The following SMOC2 variants were observed in gnomAD, a reference collection of about 807,000 sequenced individuals.
SMOC2 encodes SPARC related modular calcium binding 2, also known as SPARC-related modular calcium-binding protein 2.
A neutral mutation model predicts 61.4 loss-of-function variants in SMOC2; 39 were observed. The observed-to-expected ratio is 0.64, with a 90% confidence interval of 0.49 to 0.83. SMOC2 has a LOEUF of 0.83. Ranked by LOEUF, SMOC2 falls within the 40% of genes least tolerant of loss-of-function variation. The pLI is 0.00. For missense variants in SMOC2, 556 were observed against 592.9 expected (o/e 0.94, Z 0.65); for synonymous variants, 247 against 239.9 (o/e 1.03, Z -0.27).
Position 168,551,220 on chromosome 6 carries a change from C to T in SMOC2, c.637+2017C>T, listed in dbSNP as rs143418159. Among the ~76,000 whole-genome samples, 262 of 152,246 alleles carry T rather than the reference C, an allele frequency of 1.7e-3. 2 individuals carry two copies. Among genetic ancestry groups the T allele is most frequent in the African/African-American group, 5.7e-3 (238 of 41,540 alleles). ...ACCTTCTGCCATGATGGTAAGTTTC[C>T]TGAGGCCTCCCCAGCAATGCTGAAC... On this transcript the variant is annotated intron_variant, in intron 7 of 12. Transcript: ENST00000356284.
At chr6:168,511,289 A>G (rs761426198) in intron 2 of SMOC2, among the ~76,000 whole-genome samples, 1 of 152,180 alleles carries the variant, frequency 6.6e-6, no homozygotes, top group Non-Finnish European at 1.5e-5. Flanking sequence ...TAATTGACTC[A>G]TAGTTCTGCA....
At chr6:168,564,396 T>G (rs1315260255) in intron 7 of SMOC2, among the ~76,000 whole-genome samples, 1 of 152,214 alleles carries the variant, frequency 6.6e-6, no homozygotes, top group African/African-American at 2.4e-5. Context: ...TCATGTATAC[T>G]GCATATGAAA....
chr6:168,565,165 T>C (rs1364363503), intron 7 of SMOC2, among the ~76,000 whole-genome samples: 1 of 152,236 alleles, frequency 6.6e-6, no homozygotes, highest in African/African-American at 2.4e-5. Flanking sequence ...TAGTGAATCT[T>C]CAGTTAAGGA....
At chr6:168,525,986 G>A (rs1458271257) in intron 2 of SMOC2, among the ~76,000 whole-genome samples, 1 of 152,176 alleles carries the variant, frequency 6.6e-6, no homozygotes, top group Middle Eastern at 3.2e-3. Context: ...GCCTGCCTCC[G>A]TCCCACCAGG....
At chr6:168,652,893 G>A in intron 10 of SMOC2, 61 bp from the exon 11 acceptor site, 1 of 1,537,980 alleles carries the variant, frequency 6.5e-7, no homozygotes, top group South Asian at 1.2e-5. Flanking sequence ...GGGAAGGACA[G>A]TGGCCAGGAA....
chr6:168,450,398 C>T (rs1342603235), intron 1 of SMOC2, among the ~76,000 whole-genome samples: 1 of 152,170 alleles, frequency 6.6e-6, no homozygotes, highest in African/African-American at 2.4e-5. Context: ...ACATTTATCT[C>T]TTAATGAATC....
In SMOC2 at chr6:168,544,510, T is replaced by C. The variant is rs1783947499; in HGVS notation, c.511+838T>C. Reference sequence around the variant, plus strand: ...CAAAATGGTGAAACGCCATCTCTACTAAAAAGACAAAAATTAACCAGGCAT... The same window carrying C: ...CAAAATGGTGAAACGCCATCTCTACCAAAAAGACAAAAATTAACCAGGCAT... On this transcript the variant is annotated intron_variant, in intron 5 of 12. Transcript: ENST00000356284. The surrounding 1 kb of genome is among the most constrained non-coding windows in gnomAD (Gnocchi z 4.1). Among the ~76,000 whole-genome samples the C allele has an allele frequency of 6.6e-6, 1 of 151,894 alleles. No individual in the cohort carries two copies. Among genetic ancestry groups the C allele is most frequent in the East Asian group, 1.9e-4 (1 of 5,158 alleles).
chr6:168,519,173 G>A (rs1192558862), intron 2 of SMOC2, among the ~76,000 whole-genome samples: 1 of 151,578 alleles, frequency 6.6e-6, no homozygotes, highest in Admixed American at 6.6e-5. Context: ...GCGTGCATGT[G>A]TGAGTATGCG....
chr6:168,518,451 G>A (rs1277792572), intron 2 of SMOC2, among the ~76,000 whole-genome samples: 1 of 147,028 alleles, frequency 6.8e-6, no homozygotes, highest in Admixed American at 6.8e-5. Flanking sequence ...GTGAATGTGT[G>A]AATGTGTGTA....
chr6:168,504,570 G>A (rs1191110265), intron 1 of SMOC2, among the ~76,000 whole-genome samples: 3 of 151,980 alleles, frequency 2.0e-5, no homozygotes, highest in African/African-American at 7.3e-5. Flanking sequence ...GCAATGAGGA[G>A]CAGCTGTAAA....
chr6:168,526,489 G>A (rs779388337), intron 3 of SMOC2, 37 bp downstream of exon 3: 31 of 1,546,324 alleles, frequency 2.0e-5, no homozygotes, highest in African/African-American at 5.4e-5. Context: ...GCACCTGTGC[G>A]ATTAGGGAGG....
At chr6:168,541,982 A>G (rs1425507335) in intron 4 of SMOC2, among the ~76,000 whole-genome samples, 2 of 152,248 alleles carry the variant, frequency 1.3e-5, no homozygotes, top group African/African-American at 2.4e-5. Flanking sequence ...TCTTATTTCA[A>G]TTGAGAAACT....
chr6:168,474,786 C>T (rs1782043514), intron 1 of SMOC2, among the ~76,000 whole-genome samples: 1 of 152,096 alleles, frequency 6.6e-6, no homozygotes, highest in African/African-American at 2.4e-5. Context: ...TGCTGATGTT[C>T]TGTGTAGAAA....
Position 168,598,714 on chromosome 6 carries a change from A to G in SMOC2, c.638-104A>G, listed in dbSNP as rs949951305. The G allele has an allele frequency of 2.5e-5, 33 of 1,333,974 alleles. No individual in the cohort carries two copies. The South Asian group carries it at 3.7e-4, about 15-fold the overall frequency. 82.6% of individuals were successfully genotyped at this position (1,333,974 alleles called of 1,614,324 possible). A position where few individuals can be genotyped will look rare whatever the true frequency, so the allele number is the denominator to read the frequency against. On this transcript the variant is annotated intron_variant, in intron 7 of 12. Coordinates refer to ENST00000356284, the MANE Select transcript of SMOC2 (RefSeq NM_001166412.2). ...AGGCCCTCCTGCTCCGGGGTGAAGG[A>G]GGACCACATCGTTCTTGGCAGTTCT...
chr6:168,554,691 C>T (rs181847542), intron 7 of SMOC2, among the ~76,000 whole-genome samples: 1 of 152,352 alleles, frequency 6.6e-6, no homozygotes, highest in East Asian at 1.9e-4. Flanking sequence ...CAGTTAAAGG[C>T]AATTTGGTGT....
intron 11 of SMOC2, 32 bp downstream of exon 11, chr6:168,653,260 G>T (rs1013436277): frequency 6.2e-7 from 1 of 1,600,724 alleles, no homozygotes; most frequent in Non-Finnish European, 8.5e-7. Flanking sequence ...ACCCTGGGCA[G>T]TGGTCAGGCC....
chr6:168,476,575 CAG>C (rs533262587), intron 1 of SMOC2, among the ~76,000 whole-genome samples: 9 of 151,708 alleles, frequency 5.9e-5, no homozygotes, highest in African/African-American at 1.2e-4. Context: ...AAATATATAA[CAG>C]ATATTTTCTA....
Position 168,653,057 on chromosome 6 carries a change from A to G in SMOC2, c.1114A>G (p.Ile372Val). The change falls in exon 11 of 13, where the codon ATC becomes GTC. Residue 372 changes from isoleucine to valine, a missense_variant. Physicochemically the swap from Ile to Val is conservative, Grantham distance 29. Coordinates refer to ENST00000356284, the MANE Select transcript of SMOC2 (RefSeq NM_001166412.2). The part of the protein sequence containing the change: ...NSSGDIGKKE[I>V]KPFKRFLRKK... ...CAGTGGAGACATCGGCAAAAAGGAA[A>G]TCAAACCCTTCAAGAGGTTCCTTCG... The G allele has an allele frequency of 6.2e-7, 1 of 1,614,192 alleles. No homozygotes were observed.
intron 11 of SMOC2, among the ~76,000 whole-genome samples, chr6:168,658,029 A>C (rs1027920640): frequency 7.2e-5 from 11 of 152,202 alleles, no homozygotes; most frequent in Non-Finnish European, 1.0e-4. Context: ...CCCAGAAGAC[A>C]AATGGTGTTT....
Sources: gnomAD v4.1 joint callset for allele counts (sites outside exome capture counted in the v4.1 genomes callset) on GRCh38, gnomAD v4.1.1 for gene constraint, Gnocchi (gnomAD v3.1) non-coding constraint, MANE v1.5 for transcripts, NCBI Gene and HGNC (gene_info 2026-07-23, HGNC 2026-07-21) for gene names.